PCDHA11: variants seen among roughly 807,000 people sequenced by gnomAD.
PCDHA11 encodes protocadherin alpha-11.
A neutral mutation model predicts 70.3 loss-of-function variants in PCDHA11; 61 were observed. That is an observed-to-expected ratio of 0.87 (90% CI 0.71 to 1.07). The LOEUF (loss-of-function observed/expected upper bound fraction) is 1.07. Ranked by LOEUF, PCDHA11 falls within the 50% of genes least tolerant of loss-of-function variation. The pLI is 0.00. For missense variants in PCDHA11, 1,324 were observed against 1,237.5 expected (o/e 1.07, Z -1.05); for synonymous variants, 633 against 555.1 (o/e 1.14, Z -1.97).
At chr5:140,981,643 G>A (rs998815671) in intron 2 of PCDHA11, among the ~76,000 whole-genome samples, 3 of 151,992 alleles carry the variant, frequency 2.0e-5, no homozygotes, top group African/African-American at 7.3e-5. Context: ...TTTTCTCTTA[G>A]GATCCCACTT....
Position 140,968,052 on chromosome 5 carries a change from G to A in PCDHA11, c.2392-10897G>A, listed in dbSNP as rs990784546. ...CTGGTGGTGAGCGGCCCACTGGACC[G>A]AGAGCGGGTGGCTGTCTACAACATC... On this transcript the variant is annotated intron_variant, in intron 1 of 3. Transcript: ENST00000398640. The A allele has an allele frequency of 5.0e-6, 8 of 1,614,014 alleles. No homozygotes were observed. In the Admixed American group the frequency reaches 5.0e-5, roughly 10 times the overall value.
rs919333995 is a variant in PCDHA11, at chr5:140,869,010, T to A, written c.-94T>A. The A allele has an allele frequency of 4.6e-6, 7 of 1,523,886 alleles. No homozygotes were observed. Among genetic ancestry groups the A allele is most frequent in the Middle Eastern group, 1.8e-4 (1 of 5,610 alleles). 94.4% of individuals were successfully genotyped at this position (1,523,886 alleles called of 1,614,324 possible). A position where few individuals can be genotyped will look rare whatever the true frequency, so the allele number is the denominator to read the frequency against. The stretch of plus-strand genomic sequence containing the variant: ...CCACCGTTTAAGGATCCTTTGAAAC[T>A]TCTTAAGAATTCAACGAGATTTTTA... On this transcript the variant is annotated 5_prime_UTR_variant, in exon 1 of 4. Coordinates refer to ENST00000398640, the MANE Select transcript of PCDHA11 (RefSeq NM_018902.5).
intron 1 of PCDHA11, among the ~76,000 whole-genome samples, chr5:140,911,977 T>G (rs1554195068): frequency 1.3e-5 from 2 of 152,180 alleles, no homozygotes; most frequent in African/African-American, 4.8e-5. Context: ...TTAACTCACA[T>G]GATCACAAGG....
At chr5:140,997,849 T>C (rs1554256029) in intron 3 of PCDHA11, among the ~76,000 whole-genome samples, 1 of 152,208 alleles carries the variant, frequency 6.6e-6, no homozygotes, top group African/African-American at 2.4e-5. Flanking sequence ...TACATTCTTA[T>C]ACATATTTCT....
At chr5:140,951,936 C>G (rs2153694375) in intron 1 of PCDHA11, among the ~76,000 whole-genome samples, 1 of 152,278 alleles carries the variant, frequency 6.6e-6, no homozygotes, top group Admixed American at 6.5e-5. Context: ...TCCCAAGATA[C>G]AGTGCGGGTA....
chr5:140,928,569 GCCCAGAAATGGTTCTGT>G, intron 1 of PCDHA11: 1 of 1,614,202 alleles, frequency 6.2e-7, no homozygotes, highest in Non-Finnish European at 8.5e-7. Flanking sequence ...TGTTTCCCTT[GCCCAGAAATGGTTCTGT>G]CCCAGTGGAA....
At chr5:141,005,809 C>T (rs1554260384) in intron 3 of PCDHA11, among the ~76,000 whole-genome samples, 1 of 150,480 alleles carries the variant, frequency 6.6e-6, no homozygotes, top group Admixed American at 6.6e-5. Flanking sequence ...TCCAAGGAGC[C>T]AGGTATGGTG....
chr5:140,978,787 C>G (rs1164015518), intron 1 of PCDHA11, 162 bp from the exon 2 acceptor site: 2 of 972,388 alleles, frequency 2.1e-6, no homozygotes, highest in Non-Finnish European at 2.4e-6. Context: ...TTCTAAAGTG[C>G]TATATATGTA....
At chr5:140,961,248 G>A (rs144956279) in intron 1 of PCDHA11, among the ~76,000 whole-genome samples, 129 of 152,276 alleles carry the variant, frequency 8.5e-4, no homozygotes, top group African/African-American at 1.8e-3. Flanking sequence ...GAATTTATCC[G>A]AAGCTCCAGG....
At chr5:140,970,802 AC>A (rs1407360459) in intron 1 of PCDHA11, among the ~76,000 whole-genome samples, 1 of 152,216 alleles carries the variant, frequency 6.6e-6, no homozygotes, top group Non-Finnish European at 1.5e-5. Flanking sequence ...CCATATTGTT[AC>A]ATTTCAAGTT....
intron 3 of PCDHA11, among the ~76,000 whole-genome samples, chr5:140,987,354 G>A (rs1180342992): frequency 2.6e-5 from 4 of 152,166 alleles, no homozygotes; most frequent in Admixed American, 2.6e-4. Context: ...TATTCCTGAG[G>A]TTGTCTTATA....
Position 140,967,394 on chromosome 5 carries a change from G to C in PCDHA11, c.2392-11555G>C, listed in dbSNP as rs1379450273. On this transcript the variant is annotated intron_variant, in intron 1 of 3. Coordinates refer to ENST00000398640, the MANE Select transcript of PCDHA11 (RefSeq NM_018902.5). ...GGAGAACAGTAAAGTGCTTGAGCTGGTGCTGCGTAAGGGCCTAGACCGGGA... is the reference window on the plus strand; with the variant it reads ...GGAGAACAGTAAAGTGCTTGAGCTGCTGCTGCGTAAGGGCCTAGACCGGGA... 4 of 1,609,940 alleles carry C rather than the reference G, an allele frequency of 2.5e-6. No homozygotes were observed. In the African/African-American group the frequency reaches 4.0e-5, roughly 16 times the overall value.
intron 1 of PCDHA11, 186 bp downstream of exon 1, chr5:140,871,680 A>G: frequency 9.0e-7 from 1 of 1,108,842 alleles, no homozygotes; most frequent in Admixed American, 3.1e-5. Flanking sequence ...AATCATATGA[A>G]TAATCTGGCT....
intron 1 of PCDHA11, among the ~76,000 whole-genome samples, chr5:140,974,552 C>A (rs1554236185): frequency 6.6e-6 from 1 of 152,112 alleles, no homozygotes; most frequent in Non-Finnish European, 1.5e-5. Context: ...GCTCTTGTTG[C>A]CCAGGCTGGA....
chr5:140,944,807 A>G (rs1472832230), intron 1 of PCDHA11, among the ~76,000 whole-genome samples: 1 of 152,214 alleles, frequency 6.6e-6, no homozygotes, highest in Non-Finnish European at 1.5e-5. Context: ...TCGAGGGTCC[A>G]CAGTGATCTT....
In PCDHA11 at chr5:140,870,288, G is replaced by A. The variant is rs782327278; in HGVS notation, c.1185G>A (p.Lys395=). The A allele has an allele frequency of 2.5e-6, 4 of 1,614,090 alleles. No homozygotes were observed. The highest frequency in any genetic ancestry group is 3.3e-5 in the Admixed American group (2 of 60,006). Residue 395 remains lysine (K), a synonymous_variant, in exon 1 of 4, where the codon AAG becomes AAA. Transcript: ENST00000398640. ...CGCTGACGCCCCACGTTCCCTTCAA[G>A]CTGGTGTCCACCTTCAAGAATTACT... ...TCSLTPHVPF[K]LVSTFKNYYS...
intron 1 of PCDHA11, chr5:140,926,257 C>CT (rs1336723706): frequency 4.6e-5 from 7 of 152,300 alleles, no homozygotes; most frequent in African/African-American, 1.7e-4. Flanking sequence ...ACCGTCCCGC[C>CT]TCTCGCCGCC....
rs2052689459 is a variant in PCDHA11, at chr5:140,871,081, G to T, written c.1978G>T (p.Ala660Ser). 9 of 1,613,214 alleles carry T rather than the reference G, an allele frequency of 5.6e-6. No homozygotes were observed. The African/African-American group carries it at 6.7e-5, about 12-fold the overall frequency. The change falls in exon 1 of 4, where the codon GCC becomes TCC. Residue 660 changes from alanine (A) to serine (S), a missense_variant. By Grantham distance (99) the Ala-to-Ser change is moderately conservative. Coordinates refer to ENST00000398640, the MANE Select transcript of PCDHA11 (RefSeq NM_018902.5). ...GGATCACGGTGAGCCGGCGCTGACG[G>T]CCACGGCCACCGTGCTGGTGTCGTT... is the stretch of plus-strand genomic sequence containing the variant. ...VKDHGEPALT[A>S]TATVLVSLVE...
chr5:140,883,222 A>T lies in PCDHA11; in HGVS notation c.2391+11728A>T, dbSNP rs1164969110. ...TCGAAGAAAAGAAATTATATGAAATATCCGTGGAGGCAGTTGACAAAGGAA... is the reference window on the plus strand; with the variant it reads ...TCGAAGAAAAGAAATTATATGAAATTTCCGTGGAGGCAGTTGACAAAGGAA... On this transcript the variant is annotated intron_variant, in intron 1 of 3. Transcript: ENST00000398640. 8.7e-6 allele frequency: 14 copies of T among 1,613,970 alleles called. No homozygotes were observed. The African/African-American group carries it at 1.7e-4, about 20-fold the overall frequency.
Sources: gnomAD v4.1 joint callset for allele counts (sites outside exome capture counted in the v4.1 genomes callset) on GRCh38, gnomAD v4.1.1 for gene constraint, MANE v1.5 for transcripts, NCBI Gene and HGNC (gene_info 2026-07-23, HGNC 2026-07-21) for gene names.